The following CDH8 variants were observed in gnomAD, a reference collection of about 807,000 sequenced individuals.
CDH8 encodes the protein cadherin 8.
Under a neutral mutation model 68.1 loss-of-function variants are expected in CDH8, and 17 were observed. The ratio of observed to expected loss-of-function variants is 0.25; its 90% CI spans 0.17 to 0.37. The LOEUF (loss-of-function observed/expected upper bound fraction) is 0.37, where lower values mean the gene tolerates loss of function less well. Among genes scored for constraint, CDH8 ranks in the 10% least tolerant of loss-of-function variants. The pLI, the probability that CDH8 is intolerant of heterozygous loss-of-function variation, is 1.00. For missense variants in CDH8, 763 were observed against 999.3 expected, an observed-to-expected ratio of 0.76 and a Z score of 3.19; for synonymous variants, 372 against 365.1, an observed-to-expected ratio of 1.02 and a Z score of -0.21.
intron 2 of CDH8, among the ~76,000 whole-genome samples, chr16:61,987,625 C>T (rs2150586879): frequency 6.6e-6 from 1 of 152,196 alleles, no homozygotes; most frequent in South Asian, 2.1e-4. Context: ...GGTAGTGGAG[C>T]TGAAATTCAA....
intron 2 of CDH8, among the ~76,000 whole-genome samples, chr16:61,985,825 T>A (rs527560108): frequency 1.9e-4 from 29 of 151,878 alleles, no homozygotes; most frequent in African/African-American, 5.8e-4. Flanking sequence ...ATGTTTTTAG[T>A]GGATTTTTCT....
intron 8 of CDH8, among the ~76,000 whole-genome samples, chr16:61,747,546 C>A (rs1397994782): frequency 1.3e-5 from 2 of 151,966 alleles, no homozygotes; most frequent in African/African-American, 2.4e-5. Flanking sequence ...GACAAAGCAA[C>A]AAGCTTATTC....
At chr16:61,926,452 C>T (rs991976606) in intron 2 of CDH8, among the ~76,000 whole-genome samples, 1 of 152,102 alleles carries the variant, frequency 6.6e-6, no homozygotes, top group African/African-American at 2.4e-5. Flanking sequence ...TTCAAATTAA[C>T]ACCCTGATCT....
intron 2 of CDH8, among the ~76,000 whole-genome samples, chr16:62,012,685 C>G (rs1479512322): frequency 6.6e-6 from 1 of 152,034 alleles, no homozygotes; most frequent in Non-Finnish European, 1.5e-5. Flanking sequence ...AACTCATAAT[C>G]CAACCACATA....
At chr16:61,927,406 T>A (rs1265944129) in intron 2 of CDH8, among the ~76,000 whole-genome samples, 1 of 152,128 alleles carries the variant, frequency 6.6e-6, no homozygotes, top group African/African-American at 2.4e-5. Flanking sequence ...CTGTACATAT[T>A]TTTAATGTTA....
chr16:61,821,202 T>G (rs1306966504), intron 5 of CDH8, 89 bp from the exon 6 acceptor site: 10 of 920,150 alleles, frequency 1.1e-5, no homozygotes, highest in African/African-American at 5.0e-5. Flanking sequence ...ACCTCCTTTG[T>G]TCTGGGCATT....
At chr16:61,711,860 C>A (rs981129318) in intron 10 of CDH8, among the ~76,000 whole-genome samples, 3 of 151,528 alleles carry the variant, frequency 2.0e-5, no homozygotes, top group African/African-American at 7.3e-5. Flanking sequence ...TAAAACATGT[C>A]CCAGTAGAAA....
At chr16:61,759,221 C>CA (rs34091719) in intron 8 of CDH8, among the ~76,000 whole-genome samples, 8 of 151,900 alleles carry the variant, frequency 5.3e-5, no homozygotes, top group African/African-American at 1.7e-4. Context: ...TTGGCTTTTA[C>CA]AAAAAAGACA....
chr16:61,961,339 A>G (rs1166808637), intron 2 of CDH8, among the ~76,000 whole-genome samples: 1 of 151,872 alleles, frequency 6.6e-6, no homozygotes, highest in Non-Finnish European at 1.5e-5. Context: ...CATGAATTGG[A>G]TCACATCATT....
At chr16:61,815,134 T>C (rs1962042859) in intron 7 of CDH8, among the ~76,000 whole-genome samples, 1 of 152,176 alleles carries the variant, frequency 6.6e-6, no homozygotes, top group African/African-American at 2.4e-5. Context: ...GCCTGTGTCA[T>C]CAAATAGTGC....
At chr16:61,682,778 T>C (rs993323643) in intron 10 of CDH8, among the ~76,000 whole-genome samples, 4 of 152,106 alleles carry the variant, frequency 2.6e-5, no homozygotes, top group African/African-American at 9.6e-5. Context: ...GAATAGCAAT[T>C]GCCCCTCCGT....
chr16:61,704,251 A>G (rs1964489787), intron 10 of CDH8, among the ~76,000 whole-genome samples: 2 of 152,212 alleles, frequency 1.3e-5, no homozygotes, highest in Non-Finnish European at 2.9e-5. Flanking sequence ...ATGGCATCAA[A>G]TAAATAGCTT....
At chr16:61,933,223 G>C (rs533612567) in intron 2 of CDH8, among the ~76,000 whole-genome samples, 1 of 152,314 alleles carries the variant, frequency 6.6e-6, no homozygotes, top group Non-Finnish European at 1.5e-5. Flanking sequence ...CAAACGAAGA[G>C]AATCAATATT....
At chr16:61,678,044 G>A (rs762534317) in intron 10 of CDH8, among the ~76,000 whole-genome samples, 2 of 151,928 alleles carry the variant, frequency 1.3e-5, no homozygotes, top group African/African-American at 2.4e-5. Context: ...TAATCCCGAC[G>A]TTCCTTTCTA....
intron 8 of CDH8, among the ~76,000 whole-genome samples, chr16:61,768,797 T>C (rs78809870): frequency 1.8e-4 from 28 of 151,938 alleles, no homozygotes; most frequent in Admixed American, 7.9e-4. Context: ...ATCAATGTTA[T>C]ATTCAAGATA....
chr16:61,707,724 G>A (rs1250532466), intron 10 of CDH8, among the ~76,000 whole-genome samples: 1 of 151,886 alleles, frequency 6.6e-6, no homozygotes, highest in Non-Finnish European at 1.5e-5. Flanking sequence ...GTAATGAGTT[G>A]AAATAATTGT....
intron 2 of CDH8, among the ~76,000 whole-genome samples, chr16:61,963,581 CT>C (rs1965194915): frequency 6.6e-6 from 1 of 152,152 alleles, no homozygotes; most frequent in Non-Finnish European, 1.5e-5. Flanking sequence ...GTTAATCTCC[CT>C]TTTTAATACT....
At chr16:61,862,679 A>G (rs1430960362) in intron 3 of CDH8, among the ~76,000 whole-genome samples, 2 of 152,166 alleles carry the variant, frequency 1.3e-5, no homozygotes, top group Non-Finnish European at 2.9e-5. Context: ...CATGGGGGAA[A>G]AAATGGATGT....
intron 3 of CDH8, among the ~76,000 whole-genome samples, chr16:61,858,090 T>TAC (rs940653159): frequency 8.0e-5 from 12 of 149,984 alleles, no homozygotes; most frequent in Middle Eastern, 3.2e-3. Flanking sequence ...CACACACACA[T>TAC]ACACACACAC....
Sources: allele counts gnomAD v4.1 joint callset (sites outside exome capture counted in the v4.1 genomes callset), GRCh38; gene constraint gnomAD v4.1.1; transcripts MANE v1.5; gene names NCBI Gene and HGNC (gene_info 2026-07-23, HGNC 2026-07-21).